The following SLC2A13 variants were observed in gnomAD, a reference collection of about 807,000 sequenced individuals.
SLC2A13 encodes the protein solute carrier family 2 member 13.
In SLC2A13, 32 loss-of-function variants were observed where a neutral mutation model predicts 64.4. That is an observed-to-expected ratio of 0.50 (90% CI 0.37 to 0.67). The LOEUF (loss-of-function observed/expected upper bound fraction) is 0.67, where lower values mean the gene tolerates loss of function less well. Ranked by LOEUF, SLC2A13 falls within the 30% of genes least tolerant of loss-of-function variation. SLC2A13 has a pLI of 0.00. For missense variants in SLC2A13, 743 were observed against 829.2 expected, an observed-to-expected ratio of 0.90 and a Z score of 1.28; for synonymous variants, 338 against 327.1, an observed-to-expected ratio of 1.03 and a Z score of -0.36.
intron 3 of SLC2A13, among the ~76,000 whole-genome samples, chr12:40,001,509 A>G (rs185159190): frequency 4.7e-4 from 71 of 152,324 alleles, no homozygotes; most frequent in African/African-American, 1.6e-3. Context: ...CACTCTCCCA[A>G]TGACTCTGTG....
chr12:40,095,644 G>C (rs1176441239), intron 1 of SLC2A13, among the ~76,000 whole-genome samples: 1 of 152,122 alleles, frequency 6.6e-6, no homozygotes, highest in African/African-American at 2.4e-5. Flanking sequence ...TAAACAAAAT[G>C]AGTTTTTCTT....
intron 7 of SLC2A13, among the ~76,000 whole-genome samples, chr12:39,801,837 C>T (rs1237816089): frequency 6.6e-6 from 1 of 152,106 alleles, no homozygotes; most frequent in Non-Finnish European, 1.5e-5. Flanking sequence ...GAAGAAGATT[C>T]TTGGGCTACT....
At chr12:40,031,317 G>A (rs1347493384) in intron 2 of SLC2A13, among the ~76,000 whole-genome samples, 1 of 152,068 alleles carries the variant, frequency 6.6e-6, no homozygotes, top group Non-Finnish European at 1.5e-5. Context: ...CCGCCTCCCG[G>A]GTTCAAGCAA....
At chr12:39,971,848 G>A (rs1946650655) in intron 3 of SLC2A13, among the ~76,000 whole-genome samples, 2 of 150,970 alleles carry the variant, frequency 1.3e-5, no homozygotes, top group South Asian at 2.1e-4. Flanking sequence ...GTTGGTTTGC[G>A]CCTGTAATCC....
At chr12:40,056,154 CCTT>C (rs1319429151) in intron 1 of SLC2A13, among the ~76,000 whole-genome samples, 2 of 151,338 alleles carry the variant, frequency 1.3e-5, no homozygotes, top group Non-Finnish European at 2.9e-5. Context: ...GTAACCATTC[CCTT>C]CTTATTCCAT....
chr12:39,964,397 G>C (rs892714478), intron 3 of SLC2A13, among the ~76,000 whole-genome samples: 1 of 152,198 alleles, frequency 6.6e-6, no homozygotes, highest in African/African-American at 2.4e-5. Flanking sequence ...TACGTTCATG[G>C]AAGAGAAGAG....
At chr12:39,848,477 C>A (rs1943380006) in intron 6 of SLC2A13, among the ~76,000 whole-genome samples, 1 of 152,068 alleles carries the variant, frequency 6.6e-6, no homozygotes, top group Non-Finnish European at 1.5e-5. Flanking sequence ...AATGAGAAAC[C>A]ATCTCACACC....
intron 1 of SLC2A13, among the ~76,000 whole-genome samples, chr12:40,100,701 C>T (rs1939113866): frequency 6.6e-6 from 1 of 152,154 alleles, no homozygotes; most frequent in Non-Finnish European, 1.5e-5. Flanking sequence ...TGGTGGCTCA[C>T]ACCTGTAATC....
chr12:39,818,101 T>G (rs888133061), intron 7 of SLC2A13, among the ~76,000 whole-genome samples: 2 of 152,166 alleles, frequency 1.3e-5, no homozygotes, highest in Admixed American at 6.6e-5. Context: ...AGAGCCCCCT[T>G]GGGCCACTCC....
intron 1 of SLC2A13, among the ~76,000 whole-genome samples, chr12:40,079,990 A>G (rs1272177979): frequency 6.6e-6 from 1 of 152,080 alleles, no homozygotes; most frequent in South Asian, 2.1e-4. Flanking sequence ...CAGCCTCCCA[A>G]GTAGCTGGTA....
intron 7 of SLC2A13, among the ~76,000 whole-genome samples, chr12:39,799,592 A>G (rs1941712128): frequency 6.6e-6 from 1 of 152,200 alleles, no homozygotes; most frequent in Non-Finnish European, 1.5e-5. Flanking sequence ...GCAAAAACCA[A>G]ATGCAAACCA....
intron 1 of SLC2A13, among the ~76,000 whole-genome samples, chr12:40,071,431 A>G (rs1057226009): frequency 6.6e-6 from 1 of 152,128 alleles, no homozygotes; most frequent in Admixed American, 6.6e-5. Context: ...ATAATATTTT[A>G]TTGATGATTT....
chr12:39,766,096 G>C (rs1940340007), intron 7 of SLC2A13, among the ~76,000 whole-genome samples: 2 of 152,062 alleles, frequency 1.3e-5, no homozygotes, highest in African/African-American at 4.8e-5. Context: ...TTCAGACTTT[G>C]AGCCTTCCTT....
At chr12:39,979,170 T>G (rs1172379153) in intron 3 of SLC2A13, among the ~76,000 whole-genome samples, 1 of 145,340 alleles carries the variant, frequency 6.9e-6, no homozygotes, top group Non-Finnish European at 1.5e-5. Flanking sequence ...AAAACCCATC[T>G]GTACATCACC....
intron 3 of SLC2A13, among the ~76,000 whole-genome samples, chr12:40,000,701 C>T (rs956531477): frequency 7.2e-5 from 11 of 152,124 alleles, no homozygotes; most frequent in African/African-American, 2.7e-4. Flanking sequence ...TGTGCAAATC[C>T]CTGGTGCCTC....
At chr12:39,936,219 G>A (rs1945914950) in intron 4 of SLC2A13, among the ~76,000 whole-genome samples, 1 of 152,174 alleles carries the variant, frequency 6.6e-6, no homozygotes, top group Non-Finnish European at 1.5e-5. Flanking sequence ...CAAGCCCCCT[G>A]CCCTCAAATG....
intron 7 of SLC2A13, among the ~76,000 whole-genome samples, chr12:39,773,101 C>T (rs1016884723): frequency 1.6e-4 from 24 of 152,066 alleles, no homozygotes; most frequent in African/African-American, 4.8e-4. Context: ...ATAATGCTCC[C>T]GAAAAGGAAC....
intron 4 of SLC2A13, among the ~76,000 whole-genome samples, chr12:39,897,445 G>T (rs892872754): frequency 6.6e-6 from 1 of 152,164 alleles, no homozygotes; most frequent in African/African-American, 2.4e-5. Flanking sequence ...ACTGCTATAA[G>T]TAGGATGCAG....
chr12:39,875,781 TAACTTAC>T (rs1461281679), intron 4 of SLC2A13, among the ~76,000 whole-genome samples: 1 of 152,232 alleles, frequency 6.6e-6, no homozygotes, highest in East Asian at 1.9e-4. Context: ...GAGATACATT[TAACTTAC>T]AATTACAAAG....
Sources: gnomAD v4.1 joint callset for allele counts (sites outside exome capture counted in the v4.1 genomes callset) on GRCh38, gnomAD v4.1.1 for gene constraint, MANE v1.5 for transcripts, NCBI Gene and HGNC (gene_info 2026-07-23, HGNC 2026-07-21) for gene names.